MAP3K2: variants seen among roughly 807,000 people sequenced by gnomAD.
The protein encoded by MAP3K2 is MAP/ERK kinase kinase 2.
Under a neutral mutation model 80.3 loss-of-function variants are expected in MAP3K2, and 24 were observed. The observed-to-expected ratio is 0.30, with a 90% CI of 0.22 to 0.42. The LOEUF is 0.42. MAP3K2 is among the 10% of genes least tolerant of loss of function. MAP3K2 has a pLI of 1.00. For missense variants in MAP3K2, 608 were observed against 750.1 expected, an observed-to-expected ratio of 0.81 and a Z score of 2.21; for synonymous variants, 244 against 253.7, an observed-to-expected ratio of 0.96 and a Z score of 0.36.
rs982803009 is a variant in MAP3K2 at position 127,303,278 on chromosome 2, A to T, written c.*4301T>A. 3 of 151,902 alleles carry T rather than the reference A, an allele frequency of 2.0e-5. No individual in the cohort carries two copies. Among genetic ancestry groups the T allele is most frequent in the Middle Eastern group, 3.2e-3 (1 of 314 alleles). 9.4% of individuals were successfully genotyped at this position (151,902 alleles called of 1,614,324 possible). On this transcript the variant is annotated 3_prime_UTR_variant, in exon 17 of 17. Transcript: ENST00000682094. The stretch of plus-strand genomic sequence containing the variant: ...TCTATCAAATGTTTTGGGTATTTTC[A>T]CAATTTAGACCAAAATAAAGTATGT...
In MAP3K2 at chr2:127,322,796, C is replaced by T. The variant is rs1319286048; in HGVS notation, c.839-544G>A. ...TTTTAGTAGAGACGGGGTTTCATCACGTTGGCCAGGCTGGTCTCATACTCC... is the reference window on the plus strand; with the variant it reads ...TTTTAGTAGAGACGGGGTTTCATCATGTTGGCCAGGCTGGTCTCATACTCC... On this transcript the variant is annotated intron_variant, in intron 11 of 16. Coordinates refer to ENST00000682094, the MANE Select transcript of MAP3K2 (RefSeq NM_001371910.2). The surrounding 1 kb of genome is among the most constrained non-coding windows in gnomAD (Gnocchi z 4.2). 2.0e-5 allele frequency among the ~76,000 whole-genome samples: 3 copies of T among 151,184 alleles called. No individual in the cohort carries two copies. The highest frequency in any genetic ancestry group is 6.6e-5 in the Admixed American group (1 of 15,206).
intron 15 of MAP3K2, 74 bp from the exon 16 acceptor site, chr2:127,308,836 G>A: frequency 6.9e-7 from 1 of 1,444,492 alleles, no homozygotes; most frequent in Non-Finnish European, 9.5e-7. Context: ...AACAATGGCA[G>A]AGAATTACTT....
At chr2:127,309,134 A>C (rs1009411097) in intron 15 of MAP3K2, among the ~76,000 whole-genome samples, 4 of 152,210 alleles carry the variant, frequency 2.6e-5, no homozygotes, top group African/African-American at 9.6e-5. Flanking sequence ...AAGCCCATGG[A>C]TGAAGCTTAT....
chr2:127,378,445 A>C (rs755481056), intron 1 of MAP3K2, among the ~76,000 whole-genome samples: 4 of 152,250 alleles, frequency 2.6e-5, no homozygotes, highest in Non-Finnish European at 4.4e-5. Flanking sequence ...CTTACTTTTT[A>C]TCAAACCAAT....
chr2:127,331,466 C>T (rs1374112783), intron 5 of MAP3K2, among the ~76,000 whole-genome samples: 1 of 152,198 alleles, frequency 6.6e-6, no homozygotes. Flanking sequence ...GGACCCCCTA[C>T]ACCAGCAATG....
At chr2:127,325,856 G>A (rs780157993) in intron 8 of MAP3K2, 49 bp from the exon 9 acceptor site, 2 of 1,348,874 alleles carry the variant, frequency 1.5e-6, no homozygotes, top group South Asian at 2.4e-5. Flanking sequence ...ATAACCAAAA[G>A]TTGCTTATTA....
intron 7 of MAP3K2, among the ~76,000 whole-genome samples, chr2:127,329,469 G>T (rs1686208334): frequency 6.6e-6 from 1 of 150,892 alleles, no homozygotes; most frequent in Admixed American, 6.6e-5. Context: ...CAATCCTCTT[G>T]CCTCAGCCTC....
rs993507164 is a variant in MAP3K2 at position 127,300,098 on chromosome 2, T to C, written c.*7481A>G. 10 of 152,238 alleles carry C rather than the reference T, an allele frequency of 6.6e-5. No individual in the cohort carries two copies. The highest frequency in any genetic ancestry group is 2.1e-4 in the South Asian group (1 of 4,826). The allele number at this position is 152,238 out of a possible 1,614,324, so 9.4% of individuals were successfully genotyped here. A position where few individuals can be genotyped will look rare whatever the true frequency, so the allele number is the denominator to read the frequency against. Reference sequence around the variant, plus strand: ...TTCAACAAAGAACCATAGATAAGTATAGTTTGTAAAAGCAAAAAGGTCCAT... The same window carrying C: ...TTCAACAAAGAACCATAGATAAGTACAGTTTGTAAAAGCAAAAAGGTCCAT... On this transcript the variant is annotated 3_prime_UTR_variant, in exon 17 of 17. Transcript: ENST00000682094.
chr2:127,338,041 TTGCTGA>T (rs1558980978), intron 3 of MAP3K2, among the ~76,000 whole-genome samples: 2 of 152,154 alleles, frequency 1.3e-5, no homozygotes, highest in Non-Finnish European at 2.9e-5. Context: ...TATGAGACAT[TTGCTGA>T]TCCTGTTATG....
chr2:127,361,140 C>T (rs1177400383), intron 1 of MAP3K2, among the ~76,000 whole-genome samples: 3 of 151,768 alleles, frequency 2.0e-5, no homozygotes, highest in Non-Finnish European at 2.9e-5. Context: ...AGTAAAACCC[C>T]GTCTCTACTA....
At chr2:127,320,753 CAA>C (rs1220372372) in intron 12 of MAP3K2, among the ~76,000 whole-genome samples, 1 of 152,064 alleles carries the variant, frequency 6.6e-6, no homozygotes, top group Admixed American at 6.5e-5. Flanking sequence ...TATGGAGGAA[CAA>C]AGATAAGAAT....
At position 127,314,888 on chromosome 2, in the gene MAP3K2, G is replaced by C. The variant is rs1043700703; in HGVS notation, c.1327-5C>G. 5.7e-6 allele frequency: 9 copies of C among 1,587,984 alleles called. No homozygotes were observed. The African/African-American group carries it at 9.5e-5, about 17-fold the overall frequency. On this transcript the variant is annotated splice_region_variant and splice_polypyrimidine_tract_variant and intron_variant, in intron 14 of 16. Coordinates refer to ENST00000682094, the MANE Select transcript of MAP3K2 (RefSeq NM_001371910.2). ...TAATTGGTCCTTAATTGAACCCTAG[G>C]AGAAAAGAAAACAAAAATAAAAACT...
Position 127,318,193 on chromosome 2 carries a change from G to A in MAP3K2, c.1170C>T (p.Asp390=), listed in dbSNP as rs1172085916. Residue 390 remains aspartate (D), a synonymous_variant, in exon 13 of 17, where the codon GAC becomes GAT. Transcript: ENST00000682094. ...RELAVKQVQF[D]PDSPETSKEV... ...CCTTGCTGGTCTCAGGACTATCGGG[G>A]TCAAATTGAACTTGCTTAACAGCCA... is the stretch of plus-strand genomic sequence containing the variant. 78 of 1,608,098 alleles carry A rather than the reference G, an allele frequency of 4.9e-5. No homozygotes were observed. The highest frequency in any genetic ancestry group is 6.5e-5 in the Non-Finnish European group (76 of 1,177,666).
chr2:127,323,165 G>A (rs1405122795), intron 11 of MAP3K2, among the ~76,000 whole-genome samples: 1 of 151,414 alleles, frequency 6.6e-6, no homozygotes, highest in Non-Finnish European at 1.5e-5. Flanking sequence ...ACTTTGGGAG[G>A]CCAAGGCAAG....
chr2:127,313,445 G>T (rs1685845482), intron 15 of MAP3K2, among the ~76,000 whole-genome samples: 1 of 152,132 alleles, frequency 6.6e-6, no homozygotes, highest in African/African-American at 2.4e-5. Flanking sequence ...CAGGTGATCT[G>T]GCTTAGGCAT....
chr2:127,342,998 T>A, intron 2 of MAP3K2, 128 bp downstream of exon 2: 2 of 661,308 alleles, frequency 3.0e-6, no homozygotes, highest in Non-Finnish European at 5.1e-6. Flanking sequence ...TATAAAACAT[T>A]TCATAAATCT....
intron 4 of MAP3K2, among the ~76,000 whole-genome samples, chr2:127,336,387 T>C (rs1686372042): frequency 6.6e-6 from 1 of 152,216 alleles, no homozygotes; most frequent in Non-Finnish European, 1.5e-5. Flanking sequence ...TGTATCCTTA[T>C]CAACTCAACA....
chr2:127,354,454 A>G (rs1433360516), intron 1 of MAP3K2, among the ~76,000 whole-genome samples: 7 of 152,152 alleles, frequency 4.6e-5, no homozygotes, highest in Middle Eastern at 3.4e-3. Flanking sequence ...TCTTTCACAT[A>G]TAAGATTTCA....
intron 2 of MAP3K2, among the ~76,000 whole-genome samples, chr2:127,341,135 AC>A (rs1009823763): frequency 6.7e-6 from 1 of 149,714 alleles, no homozygotes; most frequent in Non-Finnish European, 1.5e-5. Context: ...GACTACAGGC[AC>A]CCCCCACCAC....
Sources: allele counts gnomAD v4.1 joint callset (sites outside exome capture counted in the v4.1 genomes callset), GRCh38; gene constraint gnomAD v4.1.1; non-coding constraint Gnocchi (gnomAD v3.1); transcripts MANE v1.5; gene names NCBI Gene and HGNC (gene_info 2026-07-23, HGNC 2026-07-21).